The following GRIK3 variants were observed in gnomAD, a reference collection of about 807,000 sequenced individuals.
GRIK3 encodes glutamate receptor ionotropic, kainate 3.
A neutral mutation model predicts 102.5 loss-of-function variants in GRIK3; 29 were observed. The ratio of observed to expected loss-of-function variants is 0.28; its 90% CI spans 0.21 to 0.39. GRIK3 has a LOEUF of 0.39. Among genes scored for constraint, GRIK3 ranks in the 10% least tolerant of loss-of-function variants. The pLI is 1.00. For missense variants in GRIK3, 908 were observed against 1,252.4 expected, an observed-to-expected ratio of 0.73 and a Z score of 4.15; for synonymous variants, 511 against 504.9, an observed-to-expected ratio of 1.01 and a Z score of -0.16.
At chr1:37,020,759 G>GAA (rs3834057) in intron 1 of GRIK3, among the ~76,000 whole-genome samples, 11 of 151,686 alleles carry the variant, frequency 7.3e-5, no homozygotes, top group Middle Eastern at 3.2e-3. Flanking sequence ...AATAGCATTT[G>GAA]AAAAAAAAGA....
intron 1 of GRIK3, among the ~76,000 whole-genome samples, chr1:36,987,470 T>C (rs1479570912): frequency 5.3e-5 from 8 of 152,046 alleles, no homozygotes; most frequent in African/African-American, 1.9e-4. Context: ...GAGCAGATAA[T>C]CATCAAGGGC....
Position 36,817,069 on chromosome 1 carries a change from G to T in GRIK3, c.2082C>A (p.Thr694=). The T allele has an allele frequency of 3.7e-6, 6 of 1,611,664 alleles. No homozygotes were observed. Among genetic ancestry groups the T allele is most frequent in the Non-Finnish European group, 5.1e-6 (6 of 1,177,764 alleles). ...AGGGAGAGGGCCTCACCTTGAAGAAGGTCATGGTGGCCCCATCCTTGACAG... is the reference window on the plus strand; with the variant it reads ...AGGGAGAGGGCCTCACCTTGAAGAATGTCATGGTGGCCCCATCCTTGACAG... ...YGAVKDGATM[T]FFKKSKISTF... The change falls in exon 13 of 16, where the codon ACC becomes ACA. Residue 694 remains threonine, a synonymous_variant. Transcript: ENST00000373091.
intron 14 of GRIK3, among the ~76,000 whole-genome samples, 168 bp downstream of exon 14, chr1:36,805,936 C>CAAAAAAAAAAA (rs749853809): frequency 1.3e-4 from 4 of 31,550 alleles, no homozygotes; most frequent in African/African-American, 4.0e-4. Context: ...AACTCCACCT[C>CAAAAAAAAAAA]AAAAAAAAAA....
intron 1 of GRIK3, among the ~76,000 whole-genome samples, chr1:36,956,297 G>A (rs565060601): frequency 6.6e-6 from 1 of 152,338 alleles, no homozygotes; most frequent in Non-Finnish European, 1.5e-5. Flanking sequence ...CTGGGGACTG[G>A]GCCAAGGTGC....
chr1:36,972,306 A>G (rs1029400948), intron 1 of GRIK3, among the ~76,000 whole-genome samples: 3 of 152,244 alleles, frequency 2.0e-5, no homozygotes, highest in African/African-American at 7.2e-5. Flanking sequence ...AGAGTCAGCC[A>G]GGGCTGAAAG....
chr1:36,840,788 CG>C lies in GRIK3; in HGVS notation c.1530+947del, dbSNP rs143846066. Among the ~76,000 whole-genome samples, 1,378 of 152,262 alleles carry C rather than the reference CG, an allele frequency of 9.1e-3. 20 individuals carry two copies. Among genetic ancestry groups the C allele is most frequent in the African/African-American group, 0.031 (1,294 of 41,542 alleles). On this transcript the variant is annotated intron_variant, in intron 10 of 15. Coordinates refer to ENST00000373091, the MANE Select transcript of GRIK3 (RefSeq NM_000831.4). Reference sequence around the variant, plus strand: ...CCTTAGTGAGATTGATGAACTTACCCGGTCACACAACAAAACTGAGGCTTGA... The same window carrying C: ...CCTTAGTGAGATTGATGAACTTACCCGTCACACAACAAAACTGAGGCTTGA...
intron 1 of GRIK3, among the ~76,000 whole-genome samples, chr1:37,000,505 T>C (rs1642465787): frequency 6.6e-6 from 1 of 152,124 alleles, no homozygotes; most frequent in Admixed American, 6.6e-5. Flanking sequence ...GAAAATGAAG[T>C]TCAGAGAGGT....
At chr1:36,820,661 A>T (rs1642686020) in intron 11 of GRIK3, among the ~76,000 whole-genome samples, 1 of 152,214 alleles carries the variant, frequency 6.6e-6, no homozygotes, top group Non-Finnish European at 1.5e-5. Context: ...AAAACGGAAA[A>T]AAAGCAGAAG....
In GRIK3 at chr1:36,949,766, CA is replaced by C. The variant is rs745713564; in HGVS notation, c.116-58671del. 3.3e-5 allele frequency among the ~76,000 whole-genome samples: 5 copies of C among 151,730 alleles called. No homozygotes were observed. In the South Asian group the frequency reaches 6.3e-4, roughly 19 times the overall value. ...ATACTTTTTGTATATTTATTAGAGA[CA>C]GGGGGGTCACCATGTTGGCCAGGAT... is the stretch of plus-strand genomic sequence containing the variant. On this transcript the variant is annotated intron_variant, in intron 1 of 15. Coordinates refer to ENST00000373091, the MANE Select transcript of GRIK3 (RefSeq NM_000831.4).
intron 1 of GRIK3, among the ~76,000 whole-genome samples, chr1:36,962,622 GT>G (rs1304377335): frequency 6.9e-6 from 1 of 143,908 alleles, no homozygotes; most frequent in Non-Finnish European, 1.5e-5. Flanking sequence ...GTGGAGGAAA[GT>G]GAGAGAGAGG....
intron 5 of GRIK3, among the ~76,000 whole-genome samples, chr1:36,869,276 GCGACAATTCCCGTGAGGCC>G (rs1640818338): frequency 6.6e-6 from 1 of 152,216 alleles, no homozygotes; most frequent in Non-Finnish European, 1.5e-5. Context: ...AGAATCCAAA[GCGACAATTCCCGTGAGGCC>G]CGAGATATGC....
chr1:36,948,210 C>A (rs192211881), intron 1 of GRIK3, among the ~76,000 whole-genome samples: 114 of 152,250 alleles, frequency 7.5e-4, no homozygotes, highest in African/African-American at 2.5e-3. Flanking sequence ...AAAACTTGAC[C>A]CAGGGGACAT....
In GRIK3 at chr1:36,850,138, C is replaced by G. The variant is rs1441336048; in HGVS notation, c.1326+173G>C. 2 of 586,160 alleles carry G rather than the reference C, an allele frequency of 3.4e-6. No homozygotes were observed. The highest frequency in any genetic ancestry group is 3.7e-5 in the African/African-American group (2 of 53,510). The allele number at this position is 586,160 out of a possible 1,614,324, so 36.3% of individuals were successfully genotyped here. ...AGCGGCTTCCGCCCGTGGCAGCGAG[C>G]AGCGCTGCTGCGCTCCAGCTGCTCT... On this transcript the variant is annotated intron_variant, in intron 9 of 15. Transcript: ENST00000373091. This position sits in a 1 kb window ranked among gnomAD's most constrained non-coding sequence, Gnocchi z 4.0.
At chr1:37,011,595 C>A (rs916126340) in intron 1 of GRIK3, among the ~76,000 whole-genome samples, 5 of 152,208 alleles carry the variant, frequency 3.3e-5, no homozygotes, top group African/African-American at 1.2e-4. Context: ...CAGCCCAACA[C>A]CTGCCTTTTA....
intron 1 of GRIK3, among the ~76,000 whole-genome samples, chr1:37,000,059 T>C (rs548847631): frequency 2.6e-4 from 39 of 152,354 alleles, no homozygotes; most frequent in African/African-American, 9.1e-4. Flanking sequence ...ATTATCATGC[T>C]TCTGGTGAAT....
At chr1:36,986,312 C>T (rs1023363359) in intron 1 of GRIK3, among the ~76,000 whole-genome samples, 2 of 152,134 alleles carry the variant, frequency 1.3e-5, no homozygotes, top group Non-Finnish European at 2.9e-5. Flanking sequence ...TCCACCCATA[C>T]ATCAGTCTGT....
chr1:36,976,045 A>G (rs1329259309), intron 1 of GRIK3, among the ~76,000 whole-genome samples: 3 of 152,234 alleles, frequency 2.0e-5, no homozygotes. Context: ...CATCCCAAGG[A>G]GCAACCCAAA....
At chr1:36,971,441 C>G (rs1446270087) in intron 1 of GRIK3, among the ~76,000 whole-genome samples, 1 of 152,218 alleles carries the variant, frequency 6.6e-6, no homozygotes, top group Non-Finnish European at 1.5e-5. Flanking sequence ...CTGAACCAGT[C>G]TACCCCTAGA....
intron 1 of GRIK3, among the ~76,000 whole-genome samples, chr1:37,024,052 C>G (rs530688792): frequency 6.6e-6 from 1 of 152,220 alleles, no homozygotes; most frequent in South Asian, 2.1e-4. Context: ...TCTCATGTAT[C>G]TCATGAGAAC....
Sources: allele counts gnomAD v4.1 joint callset (sites outside exome capture counted in the v4.1 genomes callset), GRCh38; gene constraint gnomAD v4.1.1; non-coding constraint Gnocchi (gnomAD v3.1); transcripts MANE v1.5; gene names NCBI Gene and HGNC (gene_info 2026-07-23, HGNC 2026-07-21).